The following CPED1 variants were observed in gnomAD, a reference collection of about 807,000 sequenced individuals.
CPED1 encodes the protein cadherin-like and PC-esterase domain-containing protein 1.
Under a neutral mutation model 128.2 loss-of-function variants are expected in CPED1, and 114 were observed. That is an observed-to-expected ratio of 0.89 (90% confidence interval 0.76 to 1.04). The LOEUF is 1.04. Among genes scored for constraint, CPED1 ranks in the 50% least tolerant of loss-of-function variants. The probability of loss-of-function intolerance (pLI) is 0.00; values close to 1 mark genes in which losing one functional copy is unlikely to be tolerated. For synonymous variants in CPED1, 462 were observed against 426.7 expected (o/e 1.08, Z -1.02); for missense variants, 1,211 against 1,207.1 (o/e 1.00, Z -0.05).
At chr7:121,105,613 G>T (rs1205865274) in intron 7 of CPED1, among the ~76,000 whole-genome samples, 2 of 151,792 alleles carry the variant, frequency 1.3e-5, no homozygotes, top group Non-Finnish European at 2.9e-5. Flanking sequence ...ATTGCATCAG[G>T]GTGTTCATTT....
At chr7:121,220,130 C>G (rs1431210476) in intron 16 of CPED1, among the ~76,000 whole-genome samples, 1 of 151,998 alleles carries the variant, frequency 6.6e-6, no homozygotes, top group East Asian at 1.9e-4. Flanking sequence ...AGTTTAGAGA[C>G]TTACCTGGTA....
intron 22 of CPED1, among the ~76,000 whole-genome samples, chr7:121,291,296 G>C (rs1318426963): frequency 6.6e-6 from 1 of 152,088 alleles, no homozygotes; most frequent in Admixed American, 6.6e-5. Context: ...GCTTCTTTTG[G>C]TTTCATATGA....
intron 18 of CPED1, among the ~76,000 whole-genome samples, chr7:121,245,978 C>T (rs1367465819): frequency 6.6e-6 from 1 of 151,994 alleles, no homozygotes; most frequent in East Asian, 1.9e-4. Flanking sequence ...CAGGTGTGAG[C>T]CACCATGCCC....
intron 18 of CPED1, among the ~76,000 whole-genome samples, chr7:121,254,424 G>A (rs567711637): frequency 2.4e-4 from 37 of 151,978 alleles, no homozygotes; most frequent in Non-Finnish European, 5.0e-4. Flanking sequence ...TAAGAGGACA[G>A]TTTATAGCAC....
At chr7:121,005,961 G>A (rs1792002044) in intron 2 of CPED1, among the ~76,000 whole-genome samples, 1 of 152,198 alleles carries the variant, frequency 6.6e-6, no homozygotes, top group Admixed American at 6.5e-5. Context: ...TCATGAGTGG[G>A]GTTGGGGGAA....
chr7:121,111,611 C>T (rs1321722038), intron 7 of CPED1, among the ~76,000 whole-genome samples: 2 of 152,112 alleles, frequency 1.3e-5, no homozygotes, highest in African/African-American at 4.8e-5. Flanking sequence ...TCAATCTATT[C>T]AATGTTTGGG....
chr7:121,266,780 C>T lies in CPED1; in HGVS notation c.2605C>T (p.Leu869=). The change falls in exon 20 of 23, where the codon CTG becomes TTG. Residue 869 remains leucine, a synonymous_variant. Transcript: ENST00000310396. ...TGTTCAGTGGCTTAATTCCAATCAC[C>T]TGCAAATTATTCACAAAGTTTTGAA... ...GGVQWLNSNH[L]QIIHKVLKRE... 1 of 1,612,530 alleles carries T rather than the reference C, an allele frequency of 6.2e-7. No homozygotes were observed. The highest frequency in any genetic ancestry group is 8.5e-7 in the Non-Finnish European group (1 of 1,178,922).
intron 16 of CPED1, among the ~76,000 whole-genome samples, chr7:121,225,205 A>G (rs1797975653): frequency 6.6e-6 from 1 of 151,998 alleles, no homozygotes; most frequent in African/African-American, 2.4e-5. Context: ...CTTGTCTGTA[A>G]AGGATTTTAT....
chr7:121,069,529 C>A (rs889681749), intron 5 of CPED1, among the ~76,000 whole-genome samples: 2 of 152,034 alleles, frequency 1.3e-5, no homozygotes, highest in African/African-American at 4.8e-5. Context: ...GATTGGAGAT[C>A]GCACGTAAGG....
rs368502123 is a variant in CPED1, at chr7:121,063,381, G to GAAAAAAAAAAAAAAAAAA, written c.541-853_541-836dup. Among the ~76,000 whole-genome samples, 34 of 67,010 alleles carry GAAAAAAAAAAAAAAAAAA rather than the reference G, an allele frequency of 5.1e-4. 2 individuals are homozygous for GAAAAAAAAAAAAAAAAAA. Among genetic ancestry groups the GAAAAAAAAAAAAAAAAAA allele is most frequent in the East Asian group, 1.0e-3 (2 of 1,972 alleles). 44.0% of individuals were successfully genotyped at this position (67,010 alleles called of 152,430 possible). ...GCTTTATTTTGCAAATGAAGAAACT[G>GAAAAAAAAAAAAAAAAAA]AAAAAAAAAAAAAAAAAAAAAGCAA... On this transcript the variant is annotated intron_variant, in intron 4 of 22. Coordinates refer to ENST00000310396, the MANE Select transcript of CPED1 (RefSeq NM_024913.5).
At chr7:121,269,010 G>A (rs1202933668) in intron 21 of CPED1, among the ~76,000 whole-genome samples, 5 of 151,882 alleles carry the variant, frequency 3.3e-5, no homozygotes, top group Non-Finnish European at 5.9e-5. Flanking sequence ...AGGGAATTGT[G>A]GGTTAAGGGA....
At chr7:121,253,056 C>G (rs1798719131) in intron 18 of CPED1, among the ~76,000 whole-genome samples, 1 of 152,026 alleles carries the variant, frequency 6.6e-6, no homozygotes, top group Admixed American at 6.5e-5. Flanking sequence ...AGACTTGGAA[C>G]CAAGCCAAAT....
At chr7:121,140,392 T>C (rs1480209533) in intron 14 of CPED1, among the ~76,000 whole-genome samples, 1 of 152,040 alleles carries the variant, frequency 6.6e-6, no homozygotes, top group Non-Finnish European at 1.5e-5. Context: ...GGTATTTCAA[T>C]GACACTCCAC....
chr7:121,209,637 A>G (rs1008447299), intron 16 of CPED1, among the ~76,000 whole-genome samples: 8 of 152,034 alleles, frequency 5.3e-5, no homozygotes, highest in Non-Finnish European at 8.8e-5. Flanking sequence ...TCTAAGACTC[A>G]AAACTATGAA....
intron 5 of CPED1, among the ~76,000 whole-genome samples, chr7:121,081,728 A>G (rs1447054284): frequency 6.6e-6 from 1 of 152,232 alleles, no homozygotes. Flanking sequence ...GTCAACAAGC[A>G]TAATTAGTAC....
At chr7:121,056,744 T>C (rs917966756) in intron 4 of CPED1, among the ~76,000 whole-genome samples, 4 of 152,224 alleles carry the variant, frequency 2.6e-5, no homozygotes, top group Admixed American at 1.3e-4. Flanking sequence ...AACCTCTTGG[T>C]TTGCTCTCTA....
intron 16 of CPED1, among the ~76,000 whole-genome samples, chr7:121,225,461 G>A (rs1338589125): frequency 1.3e-5 from 2 of 151,988 alleles, no homozygotes; most frequent in Admixed American, 6.5e-5. Context: ...GTGTCTTGGG[G>A]TTTCTCTTCT....
chr7:121,136,025 T>TC lies in CPED1; in HGVS notation c.1649-14dup. 6.7e-7 allele frequency: 1 copy of TC among 1,490,594 alleles called. No individual in the cohort carries two copies. 92.3% of individuals were successfully genotyped at this position (1,490,594 alleles called of 1,614,324 possible). A position where few individuals can be genotyped will look rare whatever the true frequency, so the allele number is the denominator to read the frequency against. Reference sequence around the variant, plus strand: ...ATGGTTTTTATTTTAAATTTACATTTCTTTTTTTTTTTAGCTGCAGTTCCA... The same window carrying TC: ...ATGGTTTTTATTTTAAATTTACATTTCCTTTTTTTTTTTAGCTGCAGTTCCA... On this transcript the variant is annotated splice_polypyrimidine_tract_variant and intron_variant, in intron 13 of 22. Transcript: ENST00000310396.
intron 7 of CPED1, 57 bp from the exon 8 acceptor site, chr7:121,124,274 A>G: frequency 6.7e-7 from 1 of 1,503,354 alleles, no homozygotes. Context: ...CACCTTGAAA[A>G]TGATAGACAA....
Sources: gnomAD v4.1 joint callset for allele counts (sites outside exome capture counted in the v4.1 genomes callset) on GRCh38, gnomAD v4.1.1 for gene constraint, MANE v1.5 for transcripts, NCBI Gene and HGNC (gene_info 2026-07-23, HGNC 2026-07-21) for gene names.